The following DNAH14 variants were observed in gnomAD, a reference collection of about 807,000 sequenced individuals.
DNAH14 encodes the protein axonemal beta dynein heavy chain 14.
DNAH14 carries 478 observed loss-of-function variants against 520.9 expected under a neutral mutation model. The observed-to-expected ratio is 0.92, with a 90% CI of 0.85 to 0.99. The LOEUF (loss-of-function observed/expected upper bound fraction) is 0.99, where lower values mean the gene tolerates loss of function less well. Among genes scored for constraint, DNAH14 ranks in the 50% least tolerant of loss-of-function variants. The pLI is 0.00. For synonymous variants in DNAH14, 1,581 were observed against 1,757.2 expected, an observed-to-expected ratio of 0.90 and a Z score of 2.51; for missense variants, 4,831 against 5,234.5, an observed-to-expected ratio of 0.92 and a Z score of 2.38.
At chr1:225,345,842 T>G in intron 69 of DNAH14, 120 bp from the exon 70 acceptor site, 1 of 751,778 alleles carries the variant, frequency 1.3e-6, no homozygotes, top group Non-Finnish European at 2.1e-6. Context: ...AGCCCGTCTC[T>G]GACATAAAGC....
chr1:224,993,660 T>G (rs559788274), intron 8 of DNAH14, among the ~76,000 whole-genome samples: 1 of 151,958 alleles, frequency 6.6e-6, no homozygotes, highest in Non-Finnish European at 1.5e-5. Flanking sequence ...TTTTAAATTA[T>G]TTTTTCTAGA....
chr1:225,357,888 AAC>A, intron 73 of DNAH14: 1 of 700,032 alleles, frequency 1.4e-6, no homozygotes, highest in Non-Finnish European at 2.6e-6. Context: ...ATTTGTATAA[AAC>A]AGTTTTTATG....
rs1166445212 is a variant in DNAH14 at position 224,991,462 on chromosome 1, G to GAAAA, written c.831-11321_831-11320insAAAA. Among the ~76,000 whole-genome samples the GAAAA allele has an allele frequency of 7.3e-5, 11 of 151,328 alleles. No homozygotes were observed. In the East Asian group the frequency reaches 2.2e-3, roughly 30 times the overall value. On this transcript the variant is annotated intron_variant, in intron 8 of 85. Coordinates refer to ENST00000682510, the MANE Select transcript of DNAH14 (RefSeq NM_001367479.1). Reference sequence around the variant, plus strand: ...TGAGAAATGTCTATTCAGGCCTTTGGCCCATTTTCTAATTGGGTTGTTTTT... The same window carrying GAAAA: ...TGAGAAATGTCTATTCAGGCCTTTGGAAAACCCATTTTCTAATTGGGTTGTTTTT...
chr1:225,140,598 C>A, intron 27 of DNAH14, 170 bp from the exon 28 acceptor site: 1 of 542,000 alleles, frequency 1.8e-6, no homozygotes, highest in South Asian at 3.5e-5. Flanking sequence ...AATCAGAATT[C>A]AATCTTTAGC....
In DNAH14 at chr1:224,952,823, A is replaced by G. The variant is rs1039632559; in HGVS notation, c.77+44A>G. ...ATAATGAGTTTTTTTCTAAAGTAAGATTTCAGCAGTGTATGGCTGGTGGTA... is the reference window on the plus strand; with the variant it reads ...ATAATGAGTTTTTTTCTAAAGTAAGGTTTCAGCAGTGTATGGCTGGTGGTA... On this transcript the variant is annotated intron_variant, in intron 2 of 85. Coordinates refer to ENST00000682510, the MANE Select transcript of DNAH14 (RefSeq NM_001367479.1). 12 of 1,449,554 alleles carry G rather than the reference A, an allele frequency of 8.3e-6. No individual in the cohort carries two copies. In the Admixed American group the frequency reaches 1.1e-4, roughly 14 times the overall value. 89.8% of individuals were successfully genotyped at this position (1,449,554 alleles called of 1,614,324 possible).
chr1:225,115,287 G>A (rs539264670), intron 23 of DNAH14, among the ~76,000 whole-genome samples: 1 of 152,258 alleles, frequency 6.6e-6, no homozygotes, highest in East Asian at 1.9e-4. Flanking sequence ...TCTTGTGCAG[G>A]TTAACTATTT....
chr1:225,045,095 ATCTT>A (rs1369021598), intron 15 of DNAH14, among the ~76,000 whole-genome samples: 15 of 151,976 alleles, frequency 9.9e-5, no homozygotes, highest in African/African-American at 3.6e-4. Flanking sequence ...TTCTATGTTG[ATCTT>A]TCTTAAAATC....
intron 38 of DNAH14, among the ~76,000 whole-genome samples, chr1:225,193,183 G>T (rs559184350): frequency 6.6e-6 from 1 of 152,232 alleles, no homozygotes; most frequent in Admixed American, 6.5e-5. Flanking sequence ...AATGGAAAAT[G>T]ATCTAGTGAT....
chr1:225,192,815 A>C lies in DNAH14; in HGVS notation c.5790A>C (p.Ser1930=). ...TGGAATGGACTGATGGATTATTATC[A>C]GCAACAATTCGAAGTTATGTATATT... is the stretch of plus-strand genomic sequence containing the variant. The part of the protein sequence containing the change: ...NTMEWTDGLL[S]ATIRSYVYFN... The change falls in exon 38 of 86, where the codon TCA becomes TCC. Residue 1930 remains serine (S), a synonymous_variant. Coordinates refer to ENST00000682510, the MANE Select transcript of DNAH14 (RefSeq NM_001367479.1). 1 of 1,550,410 alleles carries C rather than the reference A, an allele frequency of 6.4e-7. No individual in the cohort carries two copies. Among genetic ancestry groups the C allele is most frequent in the Non-Finnish European group, 8.7e-7 (1 of 1,146,152 alleles).
At chr1:224,948,094 T>C (rs920490316) in intron 1 of DNAH14, among the ~76,000 whole-genome samples, 10 of 152,052 alleles carry the variant, frequency 6.6e-5, no homozygotes, top group African/African-American at 2.4e-4. Flanking sequence ...TTTGTTTGTT[T>C]GCTAGTTTTG....
chr1:225,235,049 C>T (rs545330588), intron 42 of DNAH14, among the ~76,000 whole-genome samples: 7 of 152,198 alleles, frequency 4.6e-5, no homozygotes, highest in African/African-American at 1.7e-4. Flanking sequence ...TTTCTCTTGC[C>T]TAATTGCCCT....
At chr1:225,299,164 G>A (rs574045535) in intron 55 of DNAH14, among the ~76,000 whole-genome samples, 7 of 152,278 alleles carry the variant, frequency 4.6e-5, no homozygotes, top group Admixed American at 2.6e-4. Flanking sequence ...CTATATTTAC[G>A]TACAAGCAAA....
At chr1:225,255,699 A>G (rs1180715009) in intron 44 of DNAH14, among the ~76,000 whole-genome samples, 1 of 152,202 alleles carries the variant, frequency 6.6e-6, no homozygotes, top group Non-Finnish European at 1.5e-5. Flanking sequence ...ATATTTTCAA[A>G]TTTAATACCC....
At chr1:225,024,121 T>C (rs936794920) in intron 11 of DNAH14, 12 of 1,033,454 alleles carry the variant, frequency 1.2e-5, no homozygotes, top group Admixed American at 5.1e-5. Flanking sequence ...AAGTATTACC[T>C]ATGTTAAAAT....
At chr1:225,021,891 T>C (rs1360625172) in intron 10 of DNAH14, among the ~76,000 whole-genome samples, 1 of 151,980 alleles carries the variant, frequency 6.6e-6, no homozygotes, top group Admixed American at 6.6e-5. Flanking sequence ...TATACAAGAC[T>C]ACAGTAACCA....
intron 37 of DNAH14, among the ~76,000 whole-genome samples, chr1:225,187,170 C>A (rs1458512544): frequency 6.6e-6 from 1 of 151,818 alleles, no homozygotes; most frequent in Admixed American, 6.6e-5. Flanking sequence ...AAAATTCACA[C>A]ACATGAGATA....
At chr1:225,157,924 G>A (rs1222193626) in intron 34 of DNAH14, among the ~76,000 whole-genome samples, 1 of 152,092 alleles carries the variant, frequency 6.6e-6, no homozygotes, top group Non-Finnish European at 1.5e-5. Flanking sequence ...AGTGGTTATA[G>A]GAATACAATG....
At chr1:225,228,074 C>T (rs941619451) in intron 41 of DNAH14, among the ~76,000 whole-genome samples, 1 of 152,190 alleles carries the variant, frequency 6.6e-6, no homozygotes, top group Non-Finnish European at 1.5e-5. Flanking sequence ...GGTTCCTCTG[C>T]CCTTGCCATC....
At chr1:225,294,667 A>C (rs1228786907) in intron 55 of DNAH14, among the ~76,000 whole-genome samples, 1 of 151,590 alleles carries the variant, frequency 6.6e-6, no homozygotes, top group Non-Finnish European at 1.5e-5. Context: ...CTAAAAGTAC[A>C]AAAAAAATTA....
Sources: allele counts gnomAD v4.1 joint callset (sites outside exome capture counted in the v4.1 genomes callset), GRCh38; gene constraint gnomAD v4.1.1; transcripts MANE v1.5; gene names NCBI Gene and HGNC (gene_info 2026-07-23, HGNC 2026-07-21).